The following RBFOX1 variants were observed in gnomAD, a reference collection of about 807,000 sequenced individuals.
RBFOX1 encodes RNA binding protein fox-1 homolog 1.
A neutral mutation model predicts 57.7 loss-of-function variants in RBFOX1; 8 were observed. The ratio of observed to expected loss-of-function variants is 0.14; its 90% CI spans 0.08 to 0.25. The LOEUF (loss-of-function observed/expected upper bound fraction) is 0.25. RBFOX1 is among the 10% of genes least tolerant of loss of function. RBFOX1 has a pLI of 1.00. For synonymous variants in RBFOX1, 326 were observed against 222.4 expected (o/e 1.47, Z -4.15); for missense variants, 611 against 548.5 (o/e 1.11, Z -1.14).
chr16:5,458,083 T>G (rs2068684480), intron 1 of RBFOX1, among the ~76,000 whole-genome samples: 1 of 152,252 alleles, frequency 6.6e-6, no homozygotes, highest in African/African-American at 2.4e-5. Flanking sequence ...ATCATTTGTG[T>G]AAATCATTAA....
chr16:5,406,578 C>T (rs2066873944), intron 1 of RBFOX1, among the ~76,000 whole-genome samples: 1 of 151,832 alleles, frequency 6.6e-6, no homozygotes, highest in Non-Finnish European at 1.5e-5. Flanking sequence ...CTCTTTATTT[C>T]TCTCTCTCTC....
rs531552879 is a variant in RBFOX1 at position 5,900,301 on chromosome 16, A to C, written c.351+32966A>C. 2.0e-5 allele frequency among the ~76,000 whole-genome samples: 3 copies of C among 152,314 alleles called. No homozygotes were observed. The South Asian group carries it at 6.2e-4, about 32-fold the overall frequency. Reference sequence around the variant, plus strand: ...GTGGTAGATGCTTAGCATATTACTCATTGATTCATGAATGCCTGTAAATGT... The same window carrying C: ...GTGGTAGATGCTTAGCATATTACTCCTTGATTCATGAATGCCTGTAAATGT... On this transcript the variant is annotated intron_variant, in intron 4 of 19. Transcript: ENST00000641259.
At chr16:6,615,494 C>G (rs2098128971) in intron 2 of RBFOX1, among the ~76,000 whole-genome samples, 1 of 151,774 alleles carries the variant, frequency 6.6e-6, no homozygotes, top group South Asian at 2.1e-4. Context: ...TGCTTGAACC[C>G]AAGGGGCAGA....
chr16:5,623,136 C>G (rs1423146011), intron 3 of RBFOX1, among the ~76,000 whole-genome samples: 2 of 152,134 alleles, frequency 1.3e-5, no homozygotes, highest in Non-Finnish European at 2.9e-5. Context: ...ACTGGCCAAT[C>G]CCTGGCTTAG....
chr16:6,769,064 T>G (rs1482554064), intron 3 of RBFOX1, among the ~76,000 whole-genome samples: 1 of 152,128 alleles, frequency 6.6e-6, no homozygotes. Flanking sequence ...TTGATATTGT[T>G]TGGCTGTGTC....
At chr16:6,904,649 T>TCATA (rs1426716270) in intron 3 of RBFOX1, among the ~76,000 whole-genome samples, 1 of 142,894 alleles carries the variant, frequency 7.0e-6, no homozygotes, top group Non-Finnish European at 1.5e-5. Context: ...AAAGAAAAAT[T>TCATA]CATACATCTT....
At chr16:6,246,796 T>C (rs1369506626) in intron 1 of RBFOX1, among the ~76,000 whole-genome samples, 2 of 152,194 alleles carry the variant, frequency 1.3e-5, no homozygotes, top group African/African-American at 2.4e-5. Context: ...AGGCTGGGCA[T>C]TGTGGCTCAC....
Position 7,265,728 on chromosome 16 carries a change from C to T in RBFOX1, c.27+213630C>T, listed in dbSNP as rs1026178411. 1.3e-4 allele frequency among the ~76,000 whole-genome samples: 20 copies of T among 152,200 alleles called. 1 individual carries two copies. Among genetic ancestry groups the T allele is most frequent in the South Asian group, 6.2e-4 (3 of 4,828 alleles). The stretch of plus-strand genomic sequence containing the variant: ...CCTCCCAGTGTGCTGGGATTATAGG[C>T]GTGAGCCACCATGCCTGGCCAGGTG... On this transcript the variant is annotated intron_variant, in intron 4 of 15. Transcript: ENST00000550418.
At chr16:5,317,504 G>A (rs1414043464) in intron 1 of RBFOX1, among the ~76,000 whole-genome samples, 1 of 152,196 alleles carries the variant, frequency 6.6e-6, no homozygotes, top group Non-Finnish European at 1.5e-5. Context: ...AGCTACTTAG[G>A]AGACTGAGGA....
At chr16:7,187,899 A>C (rs933264798) in intron 4 of RBFOX1, among the ~76,000 whole-genome samples, 31 of 152,136 alleles carry the variant, frequency 2.0e-4, no homozygotes, top group African/African-American at 7.0e-4. Context: ...TGTATTGTCA[A>C]GTGAACAAAG....
chr16:7,374,808 T>C (rs2097653601), intron 4 of RBFOX1, among the ~76,000 whole-genome samples: 1 of 152,144 alleles, frequency 6.6e-6, no homozygotes, highest in African/African-American at 2.4e-5. Context: ...CGCCATGAGG[T>C]TTGGCCACCT....
At chr16:7,205,479 C>G (rs1235071510) in intron 4 of RBFOX1, among the ~76,000 whole-genome samples, 1 of 149,580 alleles carries the variant, frequency 6.7e-6, no homozygotes, top group African/African-American at 2.5e-5. Flanking sequence ...TGCCATTGCA[C>G]TCCAGCCTGG....
chr16:5,423,065 A>G (rs1448620060), intron 1 of RBFOX1, among the ~76,000 whole-genome samples: 2 of 86,828 alleles, frequency 2.3e-5, no homozygotes, highest in Non-Finnish European at 4.5e-5. Flanking sequence ...AGGGGAGGAA[A>G]GAGGAGGAGG....
chr16:5,312,772 C>T (rs567302367), intron 1 of RBFOX1, among the ~76,000 whole-genome samples: 2 of 152,334 alleles, frequency 1.3e-5, no homozygotes, highest in South Asian at 2.1e-4. Flanking sequence ...GTGGCTGATG[C>T]TGCAGATGCA....
chr16:6,988,886 C>T (rs981720873), intron 3 of RBFOX1, among the ~76,000 whole-genome samples: 3 of 152,032 alleles, frequency 2.0e-5, no homozygotes, highest in African/African-American at 4.8e-5. Context: ...TTCTCCCTGC[C>T]TTAGCCTCCT....
At chr16:7,053,006 T>C (rs2346246) in intron 4 of RBFOX1, among the ~76,000 whole-genome samples, 80,361 of 151,826 alleles carry the variant, frequency 0.53, 23,300 homozygotes, top group South Asian at 0.76. Context: ...GTTAGGAAAC[T>C]CCTGTGCCCA....
chr16:7,542,588 C>G (rs1279870761), intron 5 of RBFOX1, among the ~76,000 whole-genome samples: 1 of 151,588 alleles, frequency 6.6e-6, no homozygotes, highest in African/African-American at 2.4e-5. Context: ...GGTGCAGTGG[C>G]TCACACCTGT....
intron 3 of RBFOX1, among the ~76,000 whole-genome samples, chr16:6,903,125 C>T (rs74716244): frequency 6.6e-6 from 1 of 152,122 alleles, no homozygotes. Context: ...GATTCTGAAG[C>T]CATCATAAGT....
intron 2 of RBFOX1, among the ~76,000 whole-genome samples, chr16:6,457,488 C>T (rs2094806613): frequency 6.8e-6 from 1 of 146,812 alleles, no homozygotes; most frequent in African/African-American, 2.5e-5. Context: ...GTGTGCCTTC[C>T]ATGATACACT....
Sources: allele counts gnomAD v4.1 joint callset (sites outside exome capture counted in the v4.1 genomes callset), GRCh38; gene constraint gnomAD v4.1.1; transcripts MANE v1.5; gene names NCBI Gene and HGNC (gene_info 2026-07-23, HGNC 2026-07-21).